The following ADCY7 variants were observed in gnomAD, a reference collection of about 807,000 sequenced individuals.
ADCY7 encodes adenylate cyclase type 7.
In ADCY7, 72 loss-of-function variants were observed where a neutral mutation model predicts 120.6. The ratio of observed to expected loss-of-function variants is 0.60; its 90% CI spans 0.49 to 0.73. The LOEUF (loss-of-function observed/expected upper bound fraction) is 0.73, where lower values mean the gene tolerates loss of function less well. ADCY7 is among the 30% of genes least tolerant of loss of function. The pLI is 0.00. For missense variants in ADCY7, 1,227 were observed against 1,486.0 expected, an observed-to-expected ratio of 0.83 and a Z score of 2.87; for synonymous variants, 661 against 628.0, an observed-to-expected ratio of 1.05 and a Z score of -0.78.
upstream of ADCY7, among the ~76,000 whole-genome samples, chr16:50,264,401 C>T (rs8058086): frequency 1.3e-5 from 2 of 152,214 alleles, no homozygotes; most frequent in South Asian, 2.1e-4. Context: ...TGCAGTTTGA[C>T]TGTTAGGATG....
chr16:50,291,983 C>T, intron 4 of ADCY7, 86 bp downstream of exon 4: 1 of 1,410,866 alleles, frequency 7.1e-7, no homozygotes. Context: ...GTGAATCAGA[C>T]CCGAAGGCCC....
chr16:50,294,569 C>T, intron 6 of ADCY7, 71 bp from the exon 7 acceptor site: 1 of 1,036,620 alleles, frequency 9.6e-7, no homozygotes, highest in African/African-American at 1.6e-5. Flanking sequence ...TCCAGACAGT[C>T]CTGCGTGCTC....
At chr16:50,263,254 C>G (rs1362568174), upstream of ADCY7, among the ~76,000 whole-genome samples, 1 of 152,016 alleles carries the variant, frequency 6.6e-6, no homozygotes, top group East Asian at 1.9e-4. Flanking sequence ...TCCCAGGGAG[C>G]ATTGACCTGT....
chr16:50,316,747 T>TAAC lies in ADCY7; in HGVS notation c.*1247_*1249dup, dbSNP rs763589878. On this transcript the variant is annotated 3_prime_UTR_variant, in exon 26 of 26. Transcript: ENST00000673801. ...AAGGAATTGAAAGTCAACCTAACTG[T>TAAC]AACAACAGGGTGAGAAATGACCAAA... 3.9e-5 allele frequency: 6 copies of TAAC among 152,462 alleles called. No homozygotes were observed. The highest frequency in any genetic ancestry group is 2.0e-4 in the Admixed American group (3 of 15,302). 9.4% of individuals were successfully genotyped at this position (152,462 alleles called of 1,614,324 possible). A position where few individuals can be genotyped will look rare whatever the true frequency, so the allele number is the denominator to read the frequency against.
chr16:50,263,340 C>A (rs1212260112), upstream of ADCY7, among the ~76,000 whole-genome samples: 1 of 151,976 alleles, frequency 6.6e-6, no homozygotes, highest in Admixed American at 6.6e-5. Flanking sequence ...CTGGTGGCTG[C>A]GGCTGCGGGG....
chr16:50,271,655 C>T (rs1000938685), intron 1 of ADCY7, among the ~76,000 whole-genome samples: 8 of 152,184 alleles, frequency 5.3e-5, no homozygotes, highest in Non-Finnish European at 1.2e-4. Flanking sequence ...CCACTCTGGG[C>T]CAGCCCCCCT....
intron 24 of ADCY7, 143 bp downstream of exon 24, chr16:50,314,549 T>A: frequency 3.2e-6 from 2 of 622,710 alleles, no homozygotes; most frequent in South Asian, 3.9e-5. Flanking sequence ...AGTTGGACAA[T>A]TATTCTGATG....
intron 19 of ADCY7, 113 bp from the exon 20 acceptor site, chr16:50,311,580 C>T: frequency 1.3e-6 from 1 of 778,560 alleles, no homozygotes; most frequent in Non-Finnish European, 2.3e-6. Context: ...CTACCCACCC[C>T]ATTAGAATCA....
chr16:50,310,435 T>C (rs758490657), intron 18 of ADCY7: 406 of 1,534,668 alleles, frequency 2.6e-4, no homozygotes, highest in Non-Finnish European at 3.3e-4. Context: ...ACCTTGACTG[T>C]GGTCTGTTGT....
rs755053860 is a variant in ADCY7, at chr16:50,310,544, ATTG to A, written c.2161-140_2161-138del. On this transcript the variant is annotated intron_variant, in intron 18 of 25. Transcript: ENST00000673801. ...ACAACACTGGACACTCTTAGGTCTC[ATTG>A]TTTTTTGTTGAGAAGGGAGGTGGTA... The A allele has an allele frequency of 8.4e-6, 13 of 1,548,408 alleles. No individual in the cohort carries two copies. In the African/African-American group the frequency reaches 1.4e-4, roughly 16 times the overall value.
intron 18 of ADCY7, among the ~76,000 whole-genome samples, 188 bp downstream of exon 18, chr16:50,309,834 G>C (rs572636787): frequency 9.3e-4 from 142 of 152,376 alleles, no homozygotes; most frequent in African/African-American, 3.3e-3. Context: ...TGGCCCAAGG[G>C]AGTGAGGAGT....
chr16:50,259,555 C>A (rs896585968), intron 1 of ADCY7, among the ~76,000 whole-genome samples: 3 of 152,204 alleles, frequency 2.0e-5, no homozygotes, highest in African/African-American at 4.8e-5. Context: ...GTCTCCCAGG[C>A]GTGGCAGAGA....
intron 14 of ADCY7, 124 bp downstream of exon 14, chr16:50,305,973 T>A: frequency 2.3e-6 from 2 of 877,878 alleles, no homozygotes; most frequent in Non-Finnish European, 3.7e-6. Flanking sequence ...GCACTGAGAA[T>A]CCACAGCTGC....
At chr16:50,269,669 C>A (rs2033435766) in intron 1 of ADCY7, among the ~76,000 whole-genome samples, 1 of 152,202 alleles carries the variant, frequency 6.6e-6, no homozygotes, top group Non-Finnish European at 1.5e-5. Context: ...CCTTGCCTCC[C>A]TCCTGCTGTC....
Position 50,311,718 on chromosome 16 carries a change from G to T in ADCY7, c.2380G>T (p.Asp794Tyr). The change falls in exon 20 of 26, where the codon GAC (aspartate) becomes TAC (tyrosine). Residue 794 changes from aspartate (D) to tyrosine (Y), a missense_variant. By Grantham distance (160) the Asp-to-Tyr change is radical (BLOSUM62 -3). Transcript: ENST00000673801. ...TSGTPSCSWKDLKTMTNFYLV... is the reference protein window; with the variant it reads ...TSGTPSCSWKYLKTMTNFYLV... ...TGGCACCCCTAGCTGTTCCTGGAAG[G>T]ACCTGAAGACCATGACCAATTTCTA... The T allele has an allele frequency of 6.2e-7, 1 of 1,612,104 alleles. No individual in the cohort carries two copies. The highest frequency in any genetic ancestry group is 8.5e-7 in the Non-Finnish European group (1 of 1,179,550).
intron 1 of ADCY7, among the ~76,000 whole-genome samples, chr16:50,270,176 CAGAT>C (rs35858506): frequency 0.18 from 24,958 of 141,140 alleles, 2,181 homozygotes; most frequent in Non-Finnish European, 0.2. Flanking sequence ...GACCCTGTCT[CAGAT>C]AGATAGATAG....
intron 10 of ADCY7, among the ~76,000 whole-genome samples, chr16:50,302,898 G>C (rs1043774465): frequency 2.0e-5 from 3 of 152,188 alleles, no homozygotes; most frequent in African/African-American, 7.2e-5. Flanking sequence ...TTCTGCACTG[G>C]CTTCTATGGG....
intron 8 of ADCY7, 127 bp downstream of exon 8, chr16:50,299,158 C>A: frequency 2.3e-6 from 3 of 1,300,304 alleles, no homozygotes; most frequent in East Asian, 2.6e-5. Context: ...GGGGTGAAAG[C>A]AGCTTGCCTG....
At chr16:50,284,682 T>C (rs1053661707) in intron 1 of ADCY7, among the ~76,000 whole-genome samples, 24 of 152,352 alleles carry the variant, frequency 1.6e-4, no homozygotes, top group Non-Finnish European at 2.9e-4. Flanking sequence ...GGCATCTGGC[T>C]CAGTCCCCCG....
Sources: allele counts gnomAD v4.1 joint callset (sites outside exome capture counted in the v4.1 genomes callset), GRCh38; gene constraint gnomAD v4.1.1; transcripts MANE v1.5; gene names NCBI Gene and HGNC (gene_info 2026-07-23, HGNC 2026-07-21).